VPS13B: variants seen among roughly 807,000 people sequenced by gnomAD.
VPS13B encodes the protein vacuolar protein sorting 13 homolog B.
A neutral mutation model predicts 426.4 loss-of-function variants in VPS13B; 285 were observed. The ratio of observed to expected loss-of-function variants is 0.67; its 90% CI spans 0.61 to 0.74. The LOEUF is 0.74. Ranked by LOEUF, VPS13B falls within the 30% of genes least tolerant of loss-of-function variation. VPS13B has a pLI of 0.00. For missense variants in VPS13B, 4,537 were observed against 4,782.6 expected (o/e 0.95, Z 1.51); for synonymous variants, 1,676 against 1,676.4 (o/e 1.00, Z 0.01).
chr8:99,392,337 A>G (rs1002232558), intron 21 of VPS13B, among the ~76,000 whole-genome samples: 1 of 152,070 alleles, frequency 6.6e-6, no homozygotes, highest in African/African-American at 2.4e-5. Flanking sequence ...TTTTACATAT[A>G]TAATTCATCA....
rs113520236 is a variant in VPS13B, at chr8:99,589,027, A to G, written c.5220+11394A>G. 1.5e-3 allele frequency among the ~76,000 whole-genome samples: 232 copies of G among 151,860 alleles called. 13 individuals are homozygous for G. Among genetic ancestry groups the G allele is most frequent in the African/African-American group, 5.3e-3 (220 of 41,152 alleles). On this transcript the variant is annotated intron_variant, in intron 33 of 61. Coordinates refer to ENST00000357162, the MANE Select transcript of VPS13B (RefSeq NM_152564.5). ...CATGAAGGGCTGTTGAATTTTGTTGAAGACCTTTTCTGCATCTATGGAGAT... is the reference window on the plus strand; with the variant it reads ...CATGAAGGGCTGTTGAATTTTGTTGGAGACCTTTTCTGCATCTATGGAGAT...
chr8:99,312,655 G>C (rs1588238214), intron 19 of VPS13B, among the ~76,000 whole-genome samples: 1 of 152,116 alleles, frequency 6.6e-6, no homozygotes, highest in African/African-American at 2.4e-5. Flanking sequence ...TCTTGGAGTT[G>C]CTCCTCTTGA....
At chr8:99,856,473 C>T (rs1461079161) in intron 56 of VPS13B, among the ~76,000 whole-genome samples, 1 of 152,240 alleles carries the variant, frequency 6.6e-6, no homozygotes, top group African/African-American at 2.4e-5. Flanking sequence ...AGTCAGAGTG[C>T]CCCTGCCTGT....
intron 19 of VPS13B, among the ~76,000 whole-genome samples, chr8:99,302,045 C>G (rs1448708227): frequency 6.6e-6 from 1 of 152,260 alleles, no homozygotes; most frequent in African/African-American, 2.4e-5. Flanking sequence ...CTCTGGAGCT[C>G]CTTATTTCAA....
intron 6 of VPS13B, among the ~76,000 whole-genome samples, chr8:99,114,686 C>A (rs921220047): frequency 1.3e-5 from 2 of 152,198 alleles, no homozygotes; most frequent in African/African-American, 4.8e-5. Context: ...AAAGCTTGTG[C>A]TCATATTTGA....
intron 8 of VPS13B, among the ~76,000 whole-genome samples, chr8:99,125,538 C>G (rs1486253412): frequency 6.6e-6 from 1 of 152,158 alleles, no homozygotes; most frequent in Non-Finnish European, 1.5e-5. Flanking sequence ...ATCAAGTTGA[C>G]AGTCAGTATT....
At chr8:99,379,190 A>G (rs1289179976) in intron 19 of VPS13B, among the ~76,000 whole-genome samples, 1 of 152,148 alleles carries the variant, frequency 6.6e-6, no homozygotes, top group Non-Finnish European at 1.5e-5. Context: ...TCCTGAAACC[A>G]TTCCTCCACC....
At position 99,717,264 on chromosome 8, in the gene VPS13B, G is replaced by T; in HGVS notation, c.6548G>T (p.Cys2183Phe). The T allele has an allele frequency of 6.2e-7, 1 of 1,613,958 alleles. No homozygotes were observed. Among genetic ancestry groups the T allele is most frequent in the East Asian group, 2.2e-5 (1 of 44,868 alleles). Residue 2183 changes from cysteine (C) to phenylalanine (F), a missense_variant, in exon 37 of 62, where the codon TGT becomes TTT. Transcript: ENST00000357162. ...KERSRILIGP[C>F]CATANLEAKW... ...AGAAGCCGCATTCTGATAGGACCATGTTGTGCTACTGCCAATCTGGAAGCT... is the reference window on the plus strand; with the variant it reads ...AGAAGCCGCATTCTGATAGGACCATTTTGTGCTACTGCCAATCTGGAAGCT...
intron 24 of VPS13B, 113 bp downstream of exon 24, chr8:99,467,747 C>T: frequency 1.7e-6 from 2 of 1,155,762 alleles, no homozygotes; most frequent in South Asian, 2.6e-5. Context: ...TTATTTTTAA[C>T]TTGGCCATCA....
At chr8:99,452,770 G>A (rs1045419274) in intron 23 of VPS13B, among the ~76,000 whole-genome samples, 1 of 152,138 alleles carries the variant, frequency 6.6e-6, no homozygotes, top group Non-Finnish European at 1.5e-5. Context: ...TCAAAATGAG[G>A]AACTGTTTGC....
intron 28 of VPS13B, among the ~76,000 whole-genome samples, chr8:99,508,484 T>C (rs1328131626): frequency 6.6e-6 from 1 of 152,196 alleles, no homozygotes; most frequent in Non-Finnish European, 1.5e-5. Context: ...TTAACTTTGT[T>C]CTTAAATTTA....
At chr8:99,074,562 T>C (rs1315761833) in intron 3 of VPS13B, among the ~76,000 whole-genome samples, 2 of 152,074 alleles carry the variant, frequency 1.3e-5, no homozygotes, top group African/African-American at 4.8e-5. Flanking sequence ...TTATTTGTTG[T>C]TGGGTTCAGT....
At chr8:99,617,413 C>T (rs1828142110) in intron 33 of VPS13B, among the ~76,000 whole-genome samples, 1 of 152,214 alleles carries the variant, frequency 6.6e-6, no homozygotes, top group African/African-American at 2.4e-5. Context: ...ACTGCAACCT[C>T]TGTCTCCCGG....
At chr8:99,764,603 G>A (rs899568658) in intron 39 of VPS13B, among the ~76,000 whole-genome samples, 2 of 151,528 alleles carry the variant, frequency 1.3e-5, no homozygotes, top group African/African-American at 2.4e-5. Context: ...TAGTAGATAC[G>A]GGGTTTCTCA....
chr8:99,262,209 T>C (rs1818077205), intron 17 of VPS13B, among the ~76,000 whole-genome samples: 1 of 152,198 alleles, frequency 6.6e-6, no homozygotes, highest in South Asian at 2.1e-4. Flanking sequence ...AGATTACTTT[T>C]TGTTTCATGT....
At chr8:99,373,044 C>A (rs1428257591) in intron 19 of VPS13B, among the ~76,000 whole-genome samples, 1 of 152,258 alleles carries the variant, frequency 6.6e-6, no homozygotes, top group African/African-American at 2.4e-5. Flanking sequence ...AGCCATCATT[C>A]TGAGCAAACT....
intron 33 of VPS13B, among the ~76,000 whole-genome samples, chr8:99,584,426 C>T (rs532729808): frequency 3.9e-5 from 6 of 152,298 alleles, no homozygotes; most frequent in East Asian, 1.9e-4. Flanking sequence ...CCAGTAAATG[C>T]GTTAAGTTTT....
chr8:99,623,941 C>T (rs1268809941), intron 33 of VPS13B, among the ~76,000 whole-genome samples: 1 of 148,354 alleles, frequency 6.7e-6, no homozygotes, highest in African/African-American at 2.5e-5. Context: ...GAAAGGGGCT[C>T]ACATTTGCAA....
chr8:99,436,336 C>T (rs888513243), intron 22 of VPS13B, among the ~76,000 whole-genome samples: 1 of 152,100 alleles, frequency 6.6e-6, no homozygotes, highest in African/African-American at 2.4e-5. Context: ...CAAACTTAAT[C>T]TTATATATCA....
Sources: allele counts gnomAD v4.1 joint callset (sites outside exome capture counted in the v4.1 genomes callset), GRCh38; gene constraint gnomAD v4.1.1; transcripts MANE v1.5; gene names NCBI Gene and HGNC (gene_info 2026-07-23, HGNC 2026-07-21).